The following CCDC63 variants were observed in gnomAD, a reference collection of about 807,000 sequenced individuals.
CCDC63 encodes the protein coiled-coil domain containing 63.
Under a neutral mutation model 63.6 loss-of-function variants are expected in CCDC63, and 54 were observed. The observed-to-expected ratio is 0.85, with a 90% CI of 0.68 to 1.07. CCDC63 has a LOEUF of 1.07. CCDC63 is among the 50% of genes least tolerant of loss of function. The pLI is 0.00. For missense variants in CCDC63, 637 were observed against 689.6 expected (o/e 0.92, Z 0.86); for synonymous variants, 253 against 266.1 (o/e 0.95, Z 0.48).
intron 1 of CCDC63, among the ~76,000 whole-genome samples, chr12:110,850,632 T>C (rs11065732): frequency 0.55 from 83,429 of 151,832 alleles, 23,867 homozygotes; most frequent in East Asian, 0.64. Context: ...TCCCAGCTAC[T>C]TGGGAGGCTG....
intron 10 of CCDC63, among the ~76,000 whole-genome samples, chr12:110,901,556 C>A (rs1481414695): frequency 4.0e-5 from 6 of 151,682 alleles, no homozygotes; most frequent in Admixed American, 3.9e-4. Flanking sequence ...TTTTTGTATT[C>A]ATTAACCAGC....
intron 9 of CCDC63, among the ~76,000 whole-genome samples, chr12:110,893,361 G>A (rs11065752): frequency 0.1 from 15,545 of 152,186 alleles, 868 homozygotes; most frequent in East Asian, 0.21. Context: ...ATGTCATTGT[G>A]GAATTCTGTC....
intron 5 of CCDC63, among the ~76,000 whole-genome samples, chr12:110,874,352 T>C (rs992844461): frequency 1.3e-5 from 2 of 152,180 alleles, no homozygotes; most frequent in African/African-American, 4.8e-5. Context: ...GTGTTGTCTC[T>C]GAGAATGAGT....
At position 110,904,695 on chromosome 12, in the gene CCDC63, T is replaced by C. The variant is rs1024229644; in HGVS notation, c.1450T>C (p.Phe484Leu). ...AEIPPPFINP[F>L]WGGSALLKPP... ...GATCCCGCCACCCTTCATCAACCCT[T>C]TCTGGGGTGGCTCTGCCCTCCTCAA... Residue 484 changes from phenylalanine (F) to leucine (L), a missense_variant, in exon 11 of 12, where the codon TTC becomes CTC. By Grantham distance (22) the Phe-to-Leu change is conservative. Coordinates refer to ENST00000308208, the MANE Select transcript of CCDC63 (RefSeq NM_152591.3). 1.2e-6 allele frequency: 2 copies of C among 1,613,898 alleles called. No individual in the cohort carries two copies. Among genetic ancestry groups the C allele is most frequent in the African/African-American group, 2.7e-5 (2 of 74,872 alleles).
At chr12:110,886,782 C>CG (rs2071286326) in intron 8 of CCDC63, among the ~76,000 whole-genome samples, 1 of 149,238 alleles carries the variant, frequency 6.7e-6, no homozygotes, top group African/African-American at 2.4e-5. Context: ...GAGGTGCACC[C>CG]GGGGGTGGGG....
chr12:110,905,587 G>C (rs944238286), intron 11 of CCDC63, among the ~76,000 whole-genome samples: 5 of 151,792 alleles, frequency 3.3e-5, no homozygotes, highest in African/African-American at 1.2e-4. Context: ...TTAGAGATTG[G>C]TTAAATAAGG....
intron 8 of CCDC63, among the ~76,000 whole-genome samples, chr12:110,887,089 T>G (rs1450404660): frequency 6.6e-6 from 1 of 152,168 alleles, no homozygotes; most frequent in Admixed American, 6.5e-5. Context: ...TTTCAAACTT[T>G]TATTTAAAAA....
chr12:110,880,704 T>TAATG (rs2071189674), intron 6 of CCDC63, among the ~76,000 whole-genome samples: 2 of 46,250 alleles, frequency 4.3e-5, no homozygotes, highest in African/African-American at 8.0e-5. Context: ...ATGATGGTGA[T>TAATG]ATGGTGATGG....
chr12:110,867,225 C>T (rs1421796388), intron 4 of CCDC63, among the ~76,000 whole-genome samples: 147 of 89,918 alleles, frequency 1.6e-3, no homozygotes, highest in African/African-American at 3.4e-3. Flanking sequence ...GGCGGGGGGC[C>T]GACCCCCCCA....
At chr12:110,859,649 C>T (rs544675499) in intron 4 of CCDC63, among the ~76,000 whole-genome samples, 7 of 150,644 alleles carry the variant, frequency 4.6e-5, no homozygotes, top group South Asian at 2.1e-4. Context: ...TCAAAATAGT[C>T]GTGTTTTCTG....
chr12:110,901,398 T>C (rs969035390), intron 10 of CCDC63, among the ~76,000 whole-genome samples: 2 of 152,060 alleles, frequency 1.3e-5, no homozygotes, highest in Non-Finnish European at 2.9e-5. Context: ...TATTTATTTT[T>C]ATTTTTTTTT....
chr12:110,902,557 A>G (rs980336699), intron 10 of CCDC63, among the ~76,000 whole-genome samples: 15 of 151,234 alleles, frequency 9.9e-5, no homozygotes, highest in Non-Finnish European at 1.9e-4. Context: ...CACCCATCTG[A>G]AGCTTCACCC....
chr12:110,898,066 G>C (rs1004422045), intron 9 of CCDC63, among the ~76,000 whole-genome samples: 1 of 151,728 alleles, frequency 6.6e-6, no homozygotes, highest in Non-Finnish European at 1.5e-5. Context: ...AGGATTGCTG[G>C]AATCCAGGAG....
chr12:110,871,345 G>C (rs2071063429), intron 4 of CCDC63, among the ~76,000 whole-genome samples: 1 of 152,102 alleles, frequency 6.6e-6, no homozygotes, highest in Non-Finnish European at 1.5e-5. Flanking sequence ...GTTTCACCGT[G>C]TTAGCTAGGA....
intron 10 of CCDC63, among the ~76,000 whole-genome samples, chr12:110,903,428 G>A (rs1275459236): frequency 6.6e-6 from 1 of 152,226 alleles, no homozygotes; most frequent in African/African-American, 2.4e-5. Context: ...CATCGGGATG[G>A]CCAGGGCTGC....
rs1157784217 is a variant in CCDC63 at position 110,899,012 on chromosome 12, T to C, written c.1229T>C (p.Leu410Ser). 2 of 1,613,748 alleles carry C rather than the reference T, an allele frequency of 1.2e-6. No homozygotes were observed. The highest frequency in any genetic ancestry group is 2.7e-5 in the African/African-American group (2 of 75,002). ...YGEVSKTLDLLKNSVEKLFKK... is the reference protein window; with the variant it reads ...YGEVSKTLDLSKNSVEKLFKK... ...GAGGTCAGCAAGACCTTGGATCTAT[T>C]GAAGAACTCAGTGGAGAAACTGTTC... Residue 410 changes from leucine (L) to serine (S), a missense_variant, in exon 10 of 12, where the codon TTG (leucine) becomes TCG (serine). By Grantham distance (145) the Leu-to-Ser change is moderately radical. Coordinates refer to ENST00000308208, the MANE Select transcript of CCDC63 (RefSeq NM_152591.3).
chr12:110,848,032 T>C (rs1390757333), intron 1 of CCDC63, among the ~76,000 whole-genome samples: 1 of 152,274 alleles, frequency 6.6e-6, no homozygotes, highest in African/African-American at 2.4e-5. Context: ...TGACCTGGGC[T>C]GCTGGGCTTC....
rs150312719 is a variant in CCDC63, at chr12:110,907,443, T to A, written c.1659T>A (p.Asp553Glu). 6.2e-7 allele frequency: 1 copy of A among 1,614,200 alleles called. No individual in the cohort carries two copies. Among genetic ancestry groups the A allele is most frequent in the Admixed American group, 1.7e-5 (1 of 60,026 alleles). ...GAGACAGCCTGCCTGAGAAGGTGGA[T>A]GACTTCAGATCCAGGAAGAAAGTAA... is the stretch of plus-strand genomic sequence containing the variant. ...VRGDSLPEKV[D>E]DFRSRKKVTM Residue 553 changes from aspartate (D) to glutamate (E), a missense_variant, in exon 12 of 12, where the codon GAT (aspartate) becomes GAA (glutamate). Asp to Glu is a conservative substitution (Grantham distance 45). Transcript: ENST00000308208. The surrounding 1 kb of genome is among the most constrained non-coding windows in gnomAD (Gnocchi z 4.4).
At chr12:110,853,644 G>C (rs1045423413) in intron 3 of CCDC63, 70 bp downstream of exon 3, 2 of 1,579,646 alleles carry the variant, frequency 1.3e-6, no homozygotes, top group Non-Finnish European at 1.7e-6. Context: ...CATGTTGCTT[G>C]TCTTCTGTTC....
Sources: allele counts gnomAD v4.1 joint callset (sites outside exome capture counted in the v4.1 genomes callset), GRCh38; gene constraint gnomAD v4.1.1; non-coding constraint Gnocchi (gnomAD v3.1); transcripts MANE v1.5; gene names NCBI Gene and HGNC (gene_info 2026-07-23, HGNC 2026-07-21).